The following SEM1 variants were observed in gnomAD, a reference collection of about 807,000 sequenced individuals.
The protein encoded by SEM1 is 26S proteasome complex subunit SEM1.
SEM1 carries 3 observed loss-of-function variants against 12.7 expected under a neutral mutation model. That is an observed-to-expected ratio of 0.24 (90% CI 0.11 to 0.61). The LOEUF is 0.61. Among genes scored for constraint, SEM1 ranks in the 20% least tolerant of loss-of-function variants. SEM1 has a pLI of 0.88. For synonymous variants in SEM1, 30 were observed against 27.8 expected, an observed-to-expected ratio of 1.08 and a Z score of -0.25; for missense variants, 59 against 81.3, an observed-to-expected ratio of 0.73 and a Z score of 1.06.
intron 2 of SEM1, among the ~76,000 whole-genome samples, chr7:96,592,981 G>C (rs1806875481): frequency 7.4e-6 from 1 of 134,848 alleles, no homozygotes; most frequent in African/African-American, 3.0e-5. Context: ...CCTCCTCTCT[G>C]CTGTAATTCT....
intron 2 of SEM1, among the ~76,000 whole-genome samples, chr7:96,572,031 G>A (rs1806049752): frequency 6.6e-6 from 1 of 152,154 alleles, no homozygotes; most frequent in South Asian, 2.1e-4. Flanking sequence ...ACATGTACAG[G>A]AATTTATCCA....
intron 2 of SEM1, among the ~76,000 whole-genome samples, chr7:96,694,003 T>C (rs994199374): frequency 1.1e-4 from 16 of 151,952 alleles, no homozygotes; most frequent in East Asian, 7.7e-4. Context: ...ATGAATATTA[T>C]TCAGCCATAA....
intron 2 of SEM1, chr7:96,650,135 A>T (rs1808924742): frequency 5.0e-6 from 1 of 199,954 alleles, no homozygotes; most frequent in Admixed American, 6.0e-5. Context: ...GTCTCAGAAC[A>T]TGTTCATGCT....
chr7:96,611,999 T>A (rs1807555108), intron 2 of SEM1, among the ~76,000 whole-genome samples: 1 of 151,692 alleles, frequency 6.6e-6, no homozygotes, highest in African/African-American at 2.4e-5. Context: ...CCCCCCCAAA[T>A]AAAAAAAGCA....
At chr7:96,529,897 A>G (rs1292336959) in intron 2 of SEM1, among the ~76,000 whole-genome samples, 1 of 152,182 alleles carries the variant, frequency 6.6e-6, no homozygotes, top group Non-Finnish European at 1.5e-5. Context: ...TCTGAATTAC[A>G]GTAGAGGAGC....
At chr7:96,672,926 T>G (rs1364935533), downstream of SEM1, 1 of 152,148 alleles carries the variant, frequency 6.6e-6, no homozygotes, top group Non-Finnish European at 1.5e-5. Flanking sequence ...AGTAAATCAC[T>G]TAGTCTGTTT....
At chr7:96,483,102 G>A (rs1390564656) in exon 4 of SEM1, 1 of 151,900 alleles carries the variant, frequency 6.6e-6, no homozygotes, top group African/African-American at 2.4e-5. Context: ...CATTTACTGA[G>A]GATATTATGG....
chr7:96,628,792 G>A (rs1247964570), intron 2 of SEM1, among the ~76,000 whole-genome samples: 1 of 152,100 alleles, frequency 6.6e-6, no homozygotes, highest in Non-Finnish European at 1.5e-5. Context: ...CTTTCTGACT[G>A]AAGTACTCCC....
chr7:96,703,972 A>AACACACACACACAC lies in SEM1; in HGVS notation c.76+5702_76+5715dup, dbSNP rs67174798. Among the ~76,000 whole-genome samples the AACACACACACACAC allele has an allele frequency of 4.2e-3, 595 of 142,156 alleles. 3 individuals are homozygous for AACACACACACACAC. Among genetic ancestry groups the AACACACACACACAC allele is most frequent in the African/African-American group, 0.014 (520 of 37,448 alleles). 93.3% of individuals were successfully genotyped at this position (142,156 alleles called of 152,430 possible). Reference sequence around the variant, plus strand: ...CCAGAGCAAGACCTTGTCTCTTAAAAACACACACACACACACACACACACA... The same window carrying AACACACACACACAC: ...CCAGAGCAAGACCTTGTCTCTTAAAAACACACACACACACACACACACACACACACACACACACA... On this transcript the variant is annotated intron_variant, in intron 1 of 2. Coordinates refer to ENST00000248566, the MANE Select transcript of SEM1 (RefSeq NM_006304.2).
chr7:96,650,142 T>C (rs981019605), intron 2 of SEM1: 3 of 210,018 alleles, frequency 1.4e-5, no homozygotes, highest in African/African-American at 6.9e-5. Flanking sequence ...AACATGTTCA[T>C]GCTAATATGC....
At chr7:96,545,519 A>G (rs1805079343) in intron 2 of SEM1, among the ~76,000 whole-genome samples, 1 of 152,086 alleles carries the variant, frequency 6.6e-6, no homozygotes, top group Non-Finnish European at 1.5e-5. Flanking sequence ...ATTTGTTAGC[A>G]CTTGGCTAGC....
intron 2 of SEM1, among the ~76,000 whole-genome samples, chr7:96,563,448 A>C (rs1805753428): frequency 1.3e-5 from 2 of 152,290 alleles, no homozygotes; most frequent in South Asian, 4.1e-4. Context: ...TCTTAAAGCT[A>C]ACAATCATAA....
At chr7:96,532,197 AT>A (rs1314776968) in intron 2 of SEM1, among the ~76,000 whole-genome samples, 1 of 152,168 alleles carries the variant, frequency 6.6e-6, no homozygotes, top group Non-Finnish European at 1.5e-5. Context: ...TTTTAAAAAA[AT>A]CATTAGTATT....
At chr7:96,552,040 C>G (rs537917567) in intron 2 of SEM1, among the ~76,000 whole-genome samples, 7 of 152,190 alleles carry the variant, frequency 4.6e-5, no homozygotes, top group Non-Finnish European at 8.8e-5. Context: ...AGTCTCACAT[C>G]CCACAGGAAT....
chr7:96,523,902 T>G (rs1804363537), intron 2 of SEM1, among the ~76,000 whole-genome samples: 1 of 152,144 alleles, frequency 6.6e-6, no homozygotes, highest in Non-Finnish European at 1.5e-5. Flanking sequence ...ACCCCTTTCA[T>G]TTCTCACTTA....
At chr7:96,491,222 C>T (rs1266462872) in intron 1 of SEM1, among the ~76,000 whole-genome samples, 5 of 152,092 alleles carry the variant, frequency 3.3e-5, no homozygotes, top group South Asian at 2.1e-4. Context: ...TTATATTAAC[C>T]AGGAACATGA....
At chr7:96,541,443 GTTT>G (rs61049763) in intron 2 of SEM1, among the ~76,000 whole-genome samples, 2 of 102,394 alleles carry the variant, frequency 2.0e-5, no homozygotes, top group Admixed American at 2.1e-4. Flanking sequence ...TTTTTTTTTT[GTTT>G]TTTTTTTTTT....
chr7:96,520,533 C>A (rs1804235502), intron 2 of SEM1, among the ~76,000 whole-genome samples: 1 of 152,100 alleles, frequency 6.6e-6, no homozygotes, highest in South Asian at 2.1e-4. Context: ...TCTGCATTTT[C>A]AAGACCAAAG....
intron 2 of SEM1, among the ~76,000 whole-genome samples, chr7:96,485,945 A>G (rs1036180159): frequency 2.0e-5 from 3 of 152,076 alleles, no homozygotes; most frequent in Non-Finnish European, 2.9e-5. Flanking sequence ...GTGGGGGGTA[A>G]GGGGGACATT....
Sources: allele counts gnomAD v4.1 joint callset (sites outside exome capture counted in the v4.1 genomes callset), GRCh38; gene constraint gnomAD v4.1.1; transcripts MANE v1.5; gene names NCBI Gene and HGNC (gene_info 2026-07-23, HGNC 2026-07-21).